Variants in HPGDS observed in about 807,000 individuals in gnomAD.
The protein encoded by HPGDS is hematopoietic prostaglandin D synthase.
Under a neutral mutation model 23.1 loss-of-function variants are expected in HPGDS, and 26 were observed. That is an observed-to-expected ratio of 1.13 (90% CI 0.83 to 1.56). The LOEUF (loss-of-function observed/expected upper bound fraction) is 1.56. Among genes scored for constraint, HPGDS ranks in the 40% most tolerant of loss-of-function variants. The pLI is 0.00. For synonymous variants in HPGDS, 95 were observed against 77.9 expected (o/e 1.22, Z -1.16); for missense variants, 268 against 236.4 (o/e 1.13, Z -0.88).
intron 3 of HPGDS, among the ~76,000 whole-genome samples, chr4:94,310,093 T>A (rs968670415): frequency 1.3e-5 from 2 of 152,154 alleles, no homozygotes; most frequent in Non-Finnish European, 2.9e-5. Flanking sequence ...CTGTTCACTC[T>A]GATGGTAGTT....
At chr4:94,310,672 GA>G (rs1313710643) in intron 3 of HPGDS, among the ~76,000 whole-genome samples, 3 of 152,180 alleles carry the variant, frequency 2.0e-5, no homozygotes, top group African/African-American at 7.2e-5. Context: ...ATTCTGTGAA[GA>G]AAGTCACTGG....
rs1206499218 is a variant in HPGDS, at chr4:94,340,378, G to A, written c.-10+2417C>T. On this transcript the variant is annotated intron_variant, in intron 1 of 5. Coordinates refer to ENST00000295256, the MANE Select transcript of HPGDS (RefSeq NM_014485.3). Reference sequence around the variant, plus strand: ...TTTTGAGACGGAGTCTCTCTCTGTCGCCCAGGCTGGAGTGCAGTGGCGTGA... The same window carrying A: ...TTTTGAGACGGAGTCTCTCTCTGTCACCCAGGCTGGAGTGCAGTGGCGTGA... 9.9e-4 allele frequency among the ~76,000 whole-genome samples: 93 copies of A among 93,706 alleles called. 1 individual carries two copies. Among genetic ancestry groups the A allele is most frequent in the African/African-American group, 3.4e-3 (89 of 25,960 alleles). 61.5% of individuals were successfully genotyped at this position (93,706 alleles called of 152,430 possible). A position where few individuals can be genotyped will look rare whatever the true frequency, so the allele number is the denominator to read the frequency against.
At chr4:94,324,362 T>C (rs560723780) in intron 2 of HPGDS, among the ~76,000 whole-genome samples, 2 of 152,336 alleles carry the variant, frequency 1.3e-5, no homozygotes, top group South Asian at 4.1e-4. Context: ...TTTTCCAGCT[T>C]GGTTCCATTC....
intron 3 of HPGDS, among the ~76,000 whole-genome samples, chr4:94,313,769 G>A (rs937514962): frequency 1.3e-5 from 2 of 152,154 alleles, no homozygotes; most frequent in Admixed American, 6.5e-5. Context: ...TCACTTTCAG[G>A]TACACCAATC....
At chr4:94,322,048 T>G (rs1756522135) in intron 2 of HPGDS, among the ~76,000 whole-genome samples, 1 of 152,198 alleles carries the variant, frequency 6.6e-6, no homozygotes, top group African/African-American at 2.4e-5. Context: ...TTGGTTCTGT[T>G]AAGGTGATGG....
At position 94,299,510 on chromosome 4, in the gene HPGDS, C is replaced by A. The variant is rs151209426; in HGVS notation, c.570G>T (p.Trp190Cys). 135 of 1,613,004 alleles carry A rather than the reference C, an allele frequency of 8.4e-5. 2 individuals are homozygous for A. The South Asian group carries it at 1.5e-3, about 17-fold the overall frequency. The change falls in exon 6 of 6, where the codon TGG (tryptophan) becomes TGT (cysteine). Residue 190 changes from tryptophan to cysteine, a missense_variant. Trp to Cys is a radical substitution (Grantham distance 215, BLOSUM62 -2). Transcript: ENST00000295256. ...KVQAIPAVAN[W>C]IKRRPQTKL ...GTTTGGTTTGGGGCCTTCGTTTTAT[C>A]CAGTTAGCGACGGCAGGAATGGCTT...
chr4:94,312,719 G>C (rs1252762135), intron 3 of HPGDS, among the ~76,000 whole-genome samples: 1 of 152,142 alleles, frequency 6.6e-6, no homozygotes, highest in Non-Finnish European at 1.5e-5. Flanking sequence ...TCATTGATCT[G>C]TCTAATGTTG....
chr4:94,300,510 A>G (rs1473569171), intron 5 of HPGDS, among the ~76,000 whole-genome samples: 1 of 152,172 alleles, frequency 6.6e-6, no homozygotes, highest in East Asian at 1.9e-4. Context: ...CTAGTGCCTC[A>G]GGAACTTATT....
chr4:94,307,020 GT>G (rs1362351439), intron 4 of HPGDS, among the ~76,000 whole-genome samples: 1 of 151,954 alleles, frequency 6.6e-6, no homozygotes, highest in Non-Finnish European at 1.5e-5. Context: ...AAGGGCACGT[GT>G]TTTGTAATCT....
At chr4:94,306,177 G>A (rs1194635923) in intron 4 of HPGDS, among the ~76,000 whole-genome samples, 1 of 151,968 alleles carries the variant, frequency 6.6e-6, no homozygotes, top group Non-Finnish European at 1.5e-5. Context: ...CCTACCCCAC[G>A]ATGCATCCAG....
At chr4:94,320,800 C>T (rs1192880319) in intron 2 of HPGDS, among the ~76,000 whole-genome samples, 1 of 152,112 alleles carries the variant, frequency 6.6e-6, no homozygotes, top group Non-Finnish European at 1.5e-5. Context: ...GCTTTTGTTG[C>T]CATTGCTTTT....
chr4:94,320,660 TAGC>T (rs1756487363), intron 2 of HPGDS, among the ~76,000 whole-genome samples: 1 of 152,230 alleles, frequency 6.6e-6, no homozygotes, highest in African/African-American at 2.4e-5. Context: ...TTCTGGATAT[TAGC>T]CATTTGTCAG....
chr4:94,309,270 C>T (rs1756209409), intron 3 of HPGDS, among the ~76,000 whole-genome samples: 1 of 146,220 alleles, frequency 6.8e-6, no homozygotes, highest in Non-Finnish European at 1.5e-5. Context: ...TCCCTCCCGC[C>T]TCCCCCCACC....
At chr4:94,317,663 AG>A (rs1381131411) in intron 3 of HPGDS, among the ~76,000 whole-genome samples, 1 of 152,230 alleles carries the variant, frequency 6.6e-6, no homozygotes, top group African/African-American at 2.4e-5. Context: ...CAGGAAAAGC[AG>A]GAGGCGATAT....
chr4:94,332,727 CCT>C (rs1756756323), intron 2 of HPGDS, among the ~76,000 whole-genome samples: 1 of 152,226 alleles, frequency 6.6e-6, no homozygotes, highest in African/African-American at 2.4e-5. Flanking sequence ...TCTAGTCAAT[CCT>C]ATGTCAGCTC....
chr4:94,301,414 T>G (rs557495961), intron 5 of HPGDS, among the ~76,000 whole-genome samples: 114 of 152,336 alleles, frequency 7.5e-4, no homozygotes, highest in African/African-American at 2.7e-3. Flanking sequence ...TGATAGTTTA[T>G]TTCAGTCTTT....
chr4:94,305,451 T>C (rs1354214919), intron 4 of HPGDS, among the ~76,000 whole-genome samples: 1 of 152,152 alleles, frequency 6.6e-6, no homozygotes, highest in East Asian at 1.9e-4. Flanking sequence ...CGGATATCTC[T>C]ATTCAAATCA....
chr4:94,322,481 T>A (rs1474148736), intron 2 of HPGDS, among the ~76,000 whole-genome samples: 2 of 152,220 alleles, frequency 1.3e-5, no homozygotes, highest in African/African-American at 4.8e-5. Context: ...TCTTCCTGGT[T>A]TATTTTGGGG....
At chr4:94,305,442 G>A (rs113112265) in intron 4 of HPGDS, among the ~76,000 whole-genome samples, 10 of 151,858 alleles carry the variant, frequency 6.6e-5, no homozygotes, top group Admixed American at 3.3e-4. Context: ...TTTTGTGTCC[G>A]GATATCTCTA....
Sources: allele counts gnomAD v4.1 joint callset (sites outside exome capture counted in the v4.1 genomes callset), GRCh38; gene constraint gnomAD v4.1.1; transcripts MANE v1.5; gene names NCBI Gene and HGNC (gene_info 2026-07-23, HGNC 2026-07-21).